The following CTNNA2 variants were observed in gnomAD, a reference collection of about 807,000 sequenced individuals.
CTNNA2 encodes the protein catenin alpha-2.
CTNNA2 carries 42 observed loss-of-function variants against 101.0 expected under a neutral mutation model. The ratio of observed to expected loss-of-function variants is 0.42; its 90% CI spans 0.32 to 0.54. CTNNA2 has a LOEUF of 0.54. CTNNA2 is among the 20% of genes least tolerant of loss of function. The pLI, the probability that CTNNA2 is intolerant of heterozygous loss-of-function variation, is 0.14. For synonymous variants in CTNNA2, 450 were observed against 456.4 expected, an observed-to-expected ratio of 0.99 and a Z score of 0.18; for missense variants, 871 against 1,223.1, an observed-to-expected ratio of 0.71 and a Z score of 4.29.
At chr2:79,589,774 C>G (rs1676729576) in intron 1 of CTNNA2, among the ~76,000 whole-genome samples, 1 of 149,926 alleles carries the variant, frequency 6.7e-6, no homozygotes, top group African/African-American at 2.5e-5. Context: ...TGGAAACTAA[C>G]AAATGACTAT....
At chr2:80,372,340 C>A (rs1675517766) in intron 7 of CTNNA2, among the ~76,000 whole-genome samples, 1 of 151,808 alleles carries the variant, frequency 6.6e-6, no homozygotes, top group Non-Finnish European at 1.5e-5. Flanking sequence ...GGCCACAAAT[C>A]CCCATGCAAG....
chr2:79,578,242 C>CT (rs1675919916), intron 1 of CTNNA2, among the ~76,000 whole-genome samples: 1 of 151,936 alleles, frequency 6.6e-6, no homozygotes, highest in African/African-American at 2.4e-5. Context: ...GTTAATAGGT[C>CT]TTTTTTTAAT....
chr2:79,843,036 A>C (rs1323993360), intron 3 of CTNNA2, among the ~76,000 whole-genome samples: 1 of 151,904 alleles, frequency 6.6e-6, no homozygotes, highest in Non-Finnish European at 1.5e-5. Context: ...ACATCTGTTG[A>C]TTATTGAAAT....
At chr2:79,420,802 C>T (rs1276873908) in intron 4 of CTNNA2, among the ~76,000 whole-genome samples, 1 of 152,110 alleles carries the variant, frequency 6.6e-6, no homozygotes, top group Admixed American at 6.6e-5. Context: ...GAGCCTTAGA[C>T]CTCTCATCTA....
intron 1 of CTNNA2, among the ~76,000 whole-genome samples, chr2:79,647,356 A>G (rs945953314): frequency 6.6e-6 from 1 of 152,218 alleles, no homozygotes; most frequent in African/African-American, 2.4e-5. Flanking sequence ...ATTTCCAGGA[A>G]TGTTAGCATG....
chr2:80,107,062 G>A (rs78741422), intron 7 of CTNNA2, among the ~76,000 whole-genome samples: 2,435 of 152,128 alleles, frequency 0.016, 82 homozygotes, highest in African/African-American at 0.056. Flanking sequence ...TCCCAACAGT[G>A]CCCTGTTGAT....
At chr2:80,182,980 G>T (rs148130271) in intron 7 of CTNNA2, among the ~76,000 whole-genome samples, 1 of 152,206 alleles carries the variant, frequency 6.6e-6, no homozygotes, top group Non-Finnish European at 1.5e-5. Flanking sequence ...AAGGGAGAAG[G>T]AGCATGATCA....
intron 2 of CTNNA2, among the ~76,000 whole-genome samples, chr2:79,710,051 C>T (rs1456156716): frequency 1.3e-5 from 2 of 151,976 alleles, no homozygotes; most frequent in South Asian, 2.1e-4. Context: ...GGAAAAATCC[C>T]GATACTTGTC....
chr2:80,528,884 G>T (rs184456583), intron 9 of CTNNA2, among the ~76,000 whole-genome samples: 45 of 152,288 alleles, frequency 3.0e-4, no homozygotes, highest in African/African-American at 1.0e-3. Context: ...CCTGAGGACA[G>T]ATTAGACTTT....
chr2:79,228,536 C>T (rs1044025800), intron 2 of CTNNA2, among the ~76,000 whole-genome samples: 1 of 152,134 alleles, frequency 6.6e-6, no homozygotes, highest in African/African-American at 2.4e-5. Context: ...TGTTTCTTGG[C>T]CACTTGTGTA....
intron 18 of CTNNA2, among the ~76,000 whole-genome samples, chr2:80,630,549 A>C (rs1333476106): frequency 6.6e-6 from 1 of 152,182 alleles, no homozygotes. Flanking sequence ...AGGCAGGAGA[A>C]TCGCTTGAAC....
At chr2:79,891,372 T>A (rs1684293128) in intron 6 of CTNNA2, among the ~76,000 whole-genome samples, 1 of 152,182 alleles carries the variant, frequency 6.6e-6, no homozygotes, top group African/African-American at 2.4e-5. Flanking sequence ...AATTTGAATA[T>A]ATATTTCAAA....
intron 13 of CTNNA2, among the ~76,000 whole-genome samples, chr2:80,581,200 T>C (rs978592981): frequency 2.0e-5 from 3 of 152,110 alleles, no homozygotes; most frequent in Non-Finnish European, 2.9e-5. Flanking sequence ...TATGAGCACA[T>C]AGGGGCTCAT....
intron 1 of CTNNA2, among the ~76,000 whole-genome samples, chr2:79,585,188 C>A (rs1467802651): frequency 6.6e-6 from 1 of 151,750 alleles, no homozygotes; most frequent in African/African-American, 2.4e-5. Flanking sequence ...TAAAATTTTT[C>A]TTTTCTGTAT....
intron 4 of CTNNA2, among the ~76,000 whole-genome samples, chr2:79,402,435 C>A (rs1678300033): frequency 6.6e-6 from 1 of 151,682 alleles, no homozygotes; most frequent in African/African-American, 2.4e-5. Flanking sequence ...TACTACTGGA[C>A]CTTATATATG....
chr2:79,331,814 A>C (rs1195409870), intron 3 of CTNNA2, among the ~76,000 whole-genome samples: 1 of 152,176 alleles, frequency 6.6e-6, no homozygotes, highest in African/African-American at 2.4e-5. Context: ...TTCAGCAAAA[A>C]GGGGGGAAAG....
intron 3 of CTNNA2, among the ~76,000 whole-genome samples, chr2:79,779,329 T>C (rs185603023): frequency 4.9e-4 from 75 of 152,228 alleles, no homozygotes; most frequent in African/African-American, 1.7e-3. Context: ...CTCATCCCCC[T>C]TCTCTGTTTC....
chr2:80,093,881 G>GTTC (rs1476904846), intron 7 of CTNNA2, among the ~76,000 whole-genome samples: 2 of 151,996 alleles, frequency 1.3e-5, no homozygotes, highest in Admixed American at 1.3e-4. Flanking sequence ...ATTTGTTTGA[G>GTTC]TTCATTGTAG....
intron 7 of CTNNA2, among the ~76,000 whole-genome samples, chr2:80,238,437 A>C (rs1254226144): frequency 6.6e-6 from 1 of 152,206 alleles, no homozygotes; most frequent in Non-Finnish European, 1.5e-5. Context: ...GAGTCTTGAC[A>C]AGAGTTTGTT....
Sources: allele counts gnomAD v4.1 joint callset (sites outside exome capture counted in the v4.1 genomes callset), GRCh38; gene constraint gnomAD v4.1.1; transcripts MANE v1.5; gene names NCBI Gene and HGNC (gene_info 2026-07-23, HGNC 2026-07-21).